The following SPATA7 variants were observed in gnomAD, a reference collection of about 807,000 sequenced individuals.
SPATA7 encodes the protein spermatogenesis-associated protein 7.
In SPATA7, 43 loss-of-function variants were observed where a neutral mutation model predicts 51.8. That is an observed-to-expected ratio of 0.83 (90% CI 0.65 to 1.07). The LOEUF (loss-of-function observed/expected upper bound fraction) is 1.07, where lower values mean the gene tolerates loss of function less well. Among genes scored for constraint, SPATA7 ranks in the 50% least tolerant of loss-of-function variants. The pLI is 0.00. For missense variants in SPATA7, 683 were observed against 701.3 expected, an observed-to-expected ratio of 0.97 and a Z score of 0.30; for synonymous variants, 230 against 252.8, an observed-to-expected ratio of 0.91 and a Z score of 0.86.
chr14:88,396,025 A>T lies in SPATA7; in HGVS notation c.191-131A>T. ...CCCAACAGTGTATTTTTAATCAAGGATCTTGTGTTTTCCATCGCTAGAAGT... is the reference window on the plus strand; with the variant it reads ...CCCAACAGTGTATTTTTAATCAAGGTTCTTGTGTTTTCCATCGCTAGAAGT... On this transcript the variant is annotated intron_variant, in intron 3 of 11. Transcript: ENST00000393545. 5.5e-6 allele frequency: 4 copies of T among 733,666 alleles called. No individual in the cohort carries two copies. In the South Asian group the frequency reaches 6.1e-5, roughly 11 times the overall value. 45.4% of individuals were successfully genotyped at this position (733,666 alleles called of 1,614,324 possible). A position where few individuals can be genotyped will look rare whatever the true frequency, so the allele number is the denominator to read the frequency against.
chr14:88,456,074 C>T (rs1267747628), downstream of SPATA7, among the ~76,000 whole-genome samples: 2 of 152,068 alleles, frequency 1.3e-5, no homozygotes, highest in Non-Finnish European at 2.9e-5. Context: ...TTTATGGCTG[C>T]ATAGTATTCC....
chr14:88,415,992 C>A (rs1252682726), intron 4 of SPATA7: 2 of 152,346 alleles, frequency 1.3e-5, no homozygotes, highest in African/African-American at 4.8e-5. Flanking sequence ...GCCCCCACAG[C>A]CTTCCCCTCT....
At chr14:88,453,966 G>T (rs2077268049) in intron 3 of SPATA7, among the ~76,000 whole-genome samples, 1 of 152,090 alleles carries the variant, frequency 6.6e-6, no homozygotes, top group Non-Finnish European at 1.5e-5. Flanking sequence ...TTCGAGTTTT[G>T]AGGCAAAAAC....
At chr14:88,429,698 A>G (rs2076889539) in intron 8 of SPATA7, among the ~76,000 whole-genome samples, 1 of 152,106 alleles carries the variant, frequency 6.6e-6, no homozygotes, top group African/African-American at 2.4e-5. Flanking sequence ...AAACCACACC[A>G]ACTTGTATTA....
At chr14:88,393,654 T>G in intron 3 of SPATA7, 166 bp downstream of exon 3, 1 of 545,588 alleles carries the variant, frequency 1.8e-6, no homozygotes, top group South Asian at 2.9e-5. Flanking sequence ...CTTAGCAAAT[T>G]CATACCCATT....
At chr14:88,387,452 T>C (rs1218918029) in intron 1 of SPATA7, among the ~76,000 whole-genome samples, 2 of 149,404 alleles carry the variant, frequency 1.3e-5, no homozygotes, top group Non-Finnish European at 2.9e-5. Flanking sequence ...TTTCATGTAC[T>C]GTAAATTAAT....
chr14:88,439,398 C>T (rs2077162132), downstream of SPATA7, among the ~76,000 whole-genome samples: 1 of 152,064 alleles, frequency 6.6e-6, no homozygotes, highest in African/African-American at 2.4e-5. Context: ...TAGAACATGG[C>T]CCAGCAGATT....
chr14:88,467,804 C>T, intron 4 of SPATA7: 1 of 237,500 alleles, frequency 4.2e-6, no homozygotes, highest in Non-Finnish European at 8.1e-6. Context: ...TAATGATTGC[C>T]AGAATTGCCC....
chr14:88,417,751 A>C (rs182629512), intron 5 of SPATA7, among the ~76,000 whole-genome samples: 7 of 152,210 alleles, frequency 4.6e-5, no homozygotes, highest in African/African-American at 1.7e-4. Context: ...ATTTGTTTAG[A>C]ATTTTGGCAT....
intron 4 of SPATA7, among the ~76,000 whole-genome samples, chr14:88,397,397 C>G (rs560207697): frequency 6.6e-6 from 1 of 151,446 alleles, no homozygotes; most frequent in Non-Finnish European, 1.5e-5. Context: ...TGGCTCACAC[C>G]TATGGGAGAC....
At chr14:88,392,538 A>G (rs780750808) in intron 2 of SPATA7, among the ~76,000 whole-genome samples, 12 of 152,224 alleles carry the variant, frequency 7.9e-5, no homozygotes, top group Non-Finnish European at 1.3e-4. Flanking sequence ...TAGTAGTGGC[A>G]TCAAGCTCGT....
At chr14:88,423,932 G>A (rs2076718519) in intron 5 of SPATA7, among the ~76,000 whole-genome samples, 1 of 152,084 alleles carries the variant, frequency 6.6e-6, no homozygotes. Context: ...CCTTAAAAAA[G>A]ATTGATTTAG....
rs199727517 is a variant in SPATA7, at chr14:88,426,246, G to A, written c.387G>A (p.Pro129=). Residue 129 remains proline (P), a synonymous_variant, in exon 6 of 12, where the codon CCG becomes CCA. Transcript: ENST00000393545. ...FNTLQKPSGE[P]QIEDDMLKEE... ...AATGTTCTTAGCCCTCAGGCGAACCGCAAATTGAGGATGACATGTTAAAAG... is the reference window on the plus strand; with the variant it reads ...AATGTTCTTAGCCCTCAGGCGAACCACAAATTGAGGATGACATGTTAAAAG... The A allele has an allele frequency of 2.5e-4, 405 of 1,613,412 alleles. 1 individual carries two copies. Among genetic ancestry groups the A allele is most frequent in the Admixed American group, 4.8e-4 (29 of 59,922 alleles).
At chr14:88,426,199 G>A (rs757909872) in intron 5 of SPATA7, 33 bp from the exon 6 acceptor site, 2 of 1,469,018 alleles carry the variant, frequency 1.4e-6, no homozygotes, top group Non-Finnish European at 1.9e-6. Flanking sequence ...AATTCGTAAT[G>A]CAGTTGATGA....
chr14:88,422,292 C>T (rs1350956570), intron 5 of SPATA7, among the ~76,000 whole-genome samples: 1 of 151,850 alleles, frequency 6.6e-6, no homozygotes, highest in East Asian at 1.9e-4. Context: ...ATTGAGAGCC[C>T]CAGGGCTATT....
chr14:88,456,083 C>T (rs1488843187), downstream of SPATA7, among the ~76,000 whole-genome samples: 2 of 152,070 alleles, frequency 1.3e-5, no homozygotes, highest in African/African-American at 4.8e-5. Context: ...GCATAGTATT[C>T]CATGGTGTAT....
chr14:88,388,823 AAG>A (rs2075656786), intron 1 of SPATA7, among the ~76,000 whole-genome samples: 2 of 152,226 alleles, frequency 1.3e-5, no homozygotes. Flanking sequence ...GACAATTTGA[AAG>A]AGAGTTTCTC....
intron 4 of SPATA7, among the ~76,000 whole-genome samples, chr14:88,402,977 A>AAC (rs1555372198): frequency 2.6e-5 from 4 of 151,032 alleles, no homozygotes; most frequent in Non-Finnish European, 3.0e-5. Flanking sequence ...AAAAAAAAAA[A>AAC]AAAAAACCCA....
At chr14:88,470,134 A>G (rs992311561) in exon 5 of SPATA7, 4 of 1,429,560 alleles carry the variant, frequency 2.8e-6, no homozygotes, top group East Asian at 4.9e-5. Context: ...TAGTACTAAA[A>G]AAGTTTTTTT....
Sources: allele counts gnomAD v4.1 joint callset (sites outside exome capture counted in the v4.1 genomes callset), GRCh38; gene constraint gnomAD v4.1.1; transcripts MANE v1.5; gene names NCBI Gene and HGNC (gene_info 2026-07-23, HGNC 2026-07-21).